STIM1: variants seen among roughly 807,000 people sequenced by gnomAD.
STIM1 encodes stromal interaction molecule 1.
A neutral mutation model predicts 74.7 loss-of-function variants in STIM1; 25 were observed. The ratio of observed to expected loss-of-function variants is 0.33; its 90% CI spans 0.24 to 0.47. The LOEUF is 0.47. Among genes scored for constraint, STIM1 ranks in the 20% least tolerant of loss-of-function variants. STIM1 has a pLI of 1.00. For synonymous variants in STIM1, 328 were observed against 348.8 expected, an observed-to-expected ratio of 0.94 and a Z score of 0.66; for missense variants, 728 against 920.8, an observed-to-expected ratio of 0.79 and a Z score of 2.71.
intron 2 of STIM1, among the ~76,000 whole-genome samples, chr11:4,017,078 C>A (rs1187898069): frequency 6.6e-6 from 1 of 152,202 alleles, no homozygotes; most frequent in Non-Finnish European, 1.5e-5. Context: ...ATGGGCTGCA[C>A]CCACTGTCCA....
intron 5 of STIM1, among the ~76,000 whole-genome samples, chr11:4,061,193 A>G (rs147251334): frequency 1.6e-3 from 241 of 152,362 alleles, no homozygotes; most frequent in African/African-American, 5.4e-3. Context: ...CAAGGATTTT[A>G]TCTGAAAAAA....
rs899928489 is a variant in STIM1 at position 4,014,536 on chromosome 11, C to T, written c.271-9337C>T. On this transcript the variant is annotated intron_variant, in intron 2 of 12. Coordinates refer to ENST00000526596, the MANE Select transcript of STIM1 (RefSeq NM_001382567.1). ...AAGAATGTATAGTCTGTTGATTTGGCGTGGAGAGTTCTGTAGATGTCTATT... is the reference window on the plus strand; with the variant it reads ...AAGAATGTATAGTCTGTTGATTTGGTGTGGAGAGTTCTGTAGATGTCTATT... Among the ~76,000 whole-genome samples, 4 of 152,092 alleles carry T rather than the reference C, an allele frequency of 2.6e-5. 1 individual carries two copies. Among genetic ancestry groups the T allele is most frequent in the East Asian group, 1.9e-4 (1 of 5,196 alleles).
intron 2 of STIM1, among the ~76,000 whole-genome samples, chr11:4,007,041 CT>C (rs2093789106): frequency 6.6e-6 from 1 of 152,146 alleles, no homozygotes; most frequent in South Asian, 2.1e-4. Flanking sequence ...GATGTCTCCC[CT>C]CTTCTCTGCT....
chr11:4,023,820 TG>T, intron 2 of STIM1, 52 bp from the exon 3 acceptor site: 5 of 1,436,380 alleles, frequency 3.5e-6, no homozygotes, highest in Non-Finnish European at 4.9e-6. Flanking sequence ...GTGGAGATCT[TG>T]ACGGGCTGAC....
intron 2 of STIM1, among the ~76,000 whole-genome samples, chr11:3,982,142 A>G (rs1362883301): frequency 6.7e-6 from 1 of 149,180 alleles, no homozygotes; most frequent in East Asian, 2.0e-4. Flanking sequence ...TCTTCCAACT[A>G]CAGCCTCCTG....
intron 1 of STIM1, among the ~76,000 whole-genome samples, chr11:3,895,611 T>A (rs1554954273): frequency 5.7e-5 from 1 of 17,686 alleles, no homozygotes; most frequent in African/African-American, 4.8e-4. Flanking sequence ...TTTCTCTCTC[T>A]TTCTTTCTTT....
At chr11:4,084,610 G>A (rs571526969) in intron 10 of STIM1, 63 bp from the exon 11 acceptor site, 1 of 1,244,732 alleles carries the variant, frequency 8.0e-7, no homozygotes, top group East Asian at 5.6e-5. Flanking sequence ...TTACATTGAT[G>A]GCAGGCCGAA....
chr11:4,042,059 G>C (rs189349589), intron 3 of STIM1, among the ~76,000 whole-genome samples: 5 of 152,198 alleles, frequency 3.3e-5, no homozygotes, highest in African/African-American at 1.2e-4. Flanking sequence ...TGAGGGCTTC[G>C]TCTGGAGGCA....
intron 1 of STIM1, among the ~76,000 whole-genome samples, chr11:3,942,139 A>G (rs1029019608): frequency 6.6e-6 from 1 of 152,196 alleles, no homozygotes. Context: ...GTTTGAAGGT[A>G]GGGTAGAATT....
intron 1 of STIM1, chr11:3,892,328 G>C: frequency 1.1e-6 from 1 of 939,324 alleles, no homozygotes; most frequent in Non-Finnish European, 1.7e-6. Context: ...TGGGGTGGAG[G>C]GGTGCTCTCC....
chr11:3,986,146 ATAT>A (rs2135822109), intron 2 of STIM1, among the ~76,000 whole-genome samples: 1 of 152,288 alleles, frequency 6.6e-6, no homozygotes, highest in South Asian at 2.1e-4. Context: ...AAGGTCTCAC[ATAT>A]TACTGAGGCA....
At chr11:4,060,865 T>C (rs1023693013) in intron 5 of STIM1, among the ~76,000 whole-genome samples, 18 of 152,212 alleles carry the variant, frequency 1.2e-4, no homozygotes, top group African/African-American at 3.9e-4. Flanking sequence ...GAGTTTCCTA[T>C]TGGAGTCCAG....
In STIM1 at chr11:4,091,791, A is replaced by G. The variant is rs202047054; in HGVS notation, c.2144A>G (p.Lys715Arg). Reference protein sequence around the residue: ...FPLKIFKKPLKK With the variant: ...FPLKIFKKPLRK ...CTCAAAATCTTTAAGAAGCCTCTTA[A>G]GAAGTAGGCAGGATGGGGTGGCAGT... is the stretch of plus-strand genomic sequence containing the variant. The change falls in exon 13 of 13, where the codon AAG becomes AGG. Residue 715 changes from lysine to arginine, a missense_variant. This residue lies in a region of STIM1 where 352 missense variants were observed against 370.1 expected (regional missense o/e 0.95). Transcript: ENST00000526596. The G allele has an allele frequency of 1.0e-5, 16 of 1,603,416 alleles. No individual in the cohort carries two copies. The highest frequency in any genetic ancestry group is 1.3e-5 in the Non-Finnish European group (15 of 1,179,978).
chr11:4,029,169 CAA>C (rs1380478668), intron 3 of STIM1, among the ~76,000 whole-genome samples: 3 of 151,916 alleles, frequency 2.0e-5, no homozygotes, highest in Admixed American at 6.6e-5. Context: ...GCCTGGGCAA[CAA>C]AGAGCGAAAC....
chr11:4,049,809 C>G (rs1250028468), intron 3 of STIM1, among the ~76,000 whole-genome samples: 1 of 151,120 alleles, frequency 6.6e-6, no homozygotes, highest in African/African-American at 2.4e-5. Context: ...GAGACCAAAT[C>G]TTGGCTTTCC....
intron 1 of STIM1, chr11:3,922,697 G>A (rs2092732877): frequency 5.0e-6 from 1 of 199,184 alleles, no homozygotes; most frequent in Admixed American, 4.5e-5. Flanking sequence ...GACACTCTGT[G>A]ACAGCGTTCA....
chr11:3,881,421 A>T (rs573991679), intron 1 of STIM1, among the ~76,000 whole-genome samples: 5 of 152,092 alleles, frequency 3.3e-5, no homozygotes, highest in Non-Finnish European at 7.4e-5. Flanking sequence ...CCCAGGCTGG[A>T]GTGCAGTGGC....
intron 1 of STIM1, chr11:3,947,535 G>T (rs1450022664): frequency 6.6e-6 from 1 of 152,120 alleles, no homozygotes; most frequent in Non-Finnish European, 1.5e-5. Context: ...TGTTTCACCT[G>T]TTTTTTCCAC....
At chr11:3,997,425 G>A (rs1048056463) in intron 2 of STIM1, among the ~76,000 whole-genome samples, 1 of 152,158 alleles carries the variant, frequency 6.6e-6, no homozygotes, top group South Asian at 2.1e-4. Flanking sequence ...GGAGGCTGAG[G>A]TGGGAGAATT....
Sources: gnomAD v4.1 joint callset for allele counts (sites outside exome capture counted in the v4.1 genomes callset) on GRCh38, gnomAD v4.1.1 for gene constraint, gnomAD v4.1.1 regional missense constraint, MANE v1.5 for transcripts, NCBI Gene and HGNC (gene_info 2026-07-23, HGNC 2026-07-21) for gene names.